The following RBFOX1 variants were observed in gnomAD, a reference collection of about 807,000 sequenced individuals.
The protein encoded by RBFOX1 is RNA binding protein fox-1 homolog 1.
Under a neutral mutation model 57.7 loss-of-function variants are expected in RBFOX1, and 8 were observed. That is an observed-to-expected ratio of 0.14 (90% CI 0.08 to 0.25). The LOEUF (loss-of-function observed/expected upper bound fraction) is 0.25, where lower values mean the gene tolerates loss of function less well. RBFOX1 is among the 10% of genes least tolerant of loss of function. The pLI, the probability that RBFOX1 is intolerant of heterozygous loss-of-function variation, is 1.00. For missense variants in RBFOX1, 611 were observed against 548.5 expected (o/e 1.11, Z -1.14); for synonymous variants, 326 against 222.4 (o/e 1.47, Z -4.15).
rs767030683 is a variant in RBFOX1 at position 6,032,566 on chromosome 16, T to C, written c.-127+12574T>C. Among the ~76,000 whole-genome samples the C allele has an allele frequency of 2.6e-5, 4 of 152,174 alleles. No individual in the cohort carries two copies. In the South Asian group the frequency reaches 6.2e-4, roughly 24 times the overall value. On this transcript the variant is annotated intron_variant, in intron 1 of 15. Transcript: ENST00000550418. ...TTTGGGAGACTATGGATGTGCCTCA[T>C]TGCAGAAGAATAAGTAGAGAGCAGT...
intron 4 of RBFOX1, among the ~76,000 whole-genome samples, chr16:7,427,418 G>C (rs2098631526): frequency 6.6e-6 from 1 of 152,084 alleles, no homozygotes; most frequent in African/African-American, 2.4e-5. Context: ...AAGTTGGACA[G>C]GCTTGGTTTT....
chr16:6,825,840 C>T (rs1465286786), intron 3 of RBFOX1, among the ~76,000 whole-genome samples: 1 of 152,128 alleles, frequency 6.6e-6, no homozygotes, highest in Non-Finnish European at 1.5e-5. Context: ...CATCTTCCAT[C>T]CGGAAGGAGG....
chr16:5,323,161 A>T lies in RBFOX1; in HGVS notation c.219+83056A>T, dbSNP rs949804655. 1.3e-5 allele frequency among the ~76,000 whole-genome samples: 2 copies of T among 152,246 alleles called. 1 individual carries two copies. Among genetic ancestry groups the T allele is most frequent in the South Asian group, 4.1e-4 (2 of 4,830 alleles). On this transcript the variant is annotated intron_variant, in intron 1 of 2. Transcript: ENST00000585867. ...CTTAGCACAGTCTGGACATATGACA[A>T]AGTGCTGTATGCGTACATATTAAGA...
intron 3 of RBFOX1, among the ~76,000 whole-genome samples, chr16:6,835,390 G>A (rs1182922392): frequency 6.6e-6 from 1 of 152,142 alleles, no homozygotes; most frequent in Non-Finnish European, 1.5e-5. Context: ...TATAGGACCT[G>A]TATTAAAGGG....
intron 3 of RBFOX1, among the ~76,000 whole-genome samples, chr16:7,015,584 A>G (rs1355925779): frequency 1.3e-5 from 2 of 152,114 alleles, no homozygotes; most frequent in Admixed American, 6.5e-5. Context: ...TTATTCTGAG[A>G]TTTTGGCTTA....
chr16:7,183,434 G>A (rs948488558), intron 4 of RBFOX1, among the ~76,000 whole-genome samples: 2 of 152,190 alleles, frequency 1.3e-5, no homozygotes, highest in Admixed American at 6.5e-5. Flanking sequence ...CTGAACGAAA[G>A]TGTTTTATTT....
At chr16:6,690,778 T>G (rs1344982266) in intron 3 of RBFOX1, among the ~76,000 whole-genome samples, 2 of 147,474 alleles carry the variant, frequency 1.4e-5, no homozygotes, top group Non-Finnish European at 3.0e-5. Context: ...TTTTTTAACT[T>G]TAGAAGTACC....
chr16:6,328,556 C>T (rs1185912369), intron 2 of RBFOX1, among the ~76,000 whole-genome samples: 3 of 152,142 alleles, frequency 2.0e-5, no homozygotes, highest in African/African-American at 7.2e-5. Context: ...AACAAAGCAG[C>T]AGTCCCAGTA....
chr16:6,548,487 GATTTCTTCAGA>G (rs1409014868), intron 2 of RBFOX1, among the ~76,000 whole-genome samples: 2 of 152,140 alleles, frequency 1.3e-5, no homozygotes, highest in East Asian at 1.9e-4. Flanking sequence ...TTTACACACT[GATTTCTTCAGA>G]ATTTCTTCAG....
chr16:7,029,402 T>A (rs73538944), intron 3 of RBFOX1, among the ~76,000 whole-genome samples: 9,150 of 150,684 alleles, frequency 0.061, 941 homozygotes, highest in African/African-American at 0.21. Context: ...GAAACATGAG[T>A]CTTCAGTTCT....
chr16:7,495,895 A>G (rs1209564451), intron 4 of RBFOX1, among the ~76,000 whole-genome samples: 1 of 71,328 alleles, frequency 1.4e-5, no homozygotes, highest in Admixed American at 1.7e-4. Context: ...ATTCAAAGAT[A>G]CTAGACTATT....
intron 2 of RBFOX1, among the ~76,000 whole-genome samples, chr16:6,611,517 G>A (rs914066229): frequency 1.3e-5 from 2 of 152,046 alleles, no homozygotes; most frequent in Admixed American, 6.6e-5. Flanking sequence ...CTTTGCCCCC[G>A]TGTGATTCTG....
intron 2 of RBFOX1, among the ~76,000 whole-genome samples, chr16:6,364,318 G>A (rs74249641): frequency 0.068 from 10,336 of 152,210 alleles, 438 homozygotes; most frequent in Non-Finnish European, 0.087. Context: ...GTTTTATCTT[G>A]CATTTTCCCT....
intron 3 of RBFOX1, among the ~76,000 whole-genome samples, chr16:5,673,782 T>C (rs1305398147): frequency 6.6e-6 from 1 of 152,252 alleles, no homozygotes; most frequent in East Asian, 1.9e-4. Context: ...AGTGCATCAC[T>C]GTAATTCTTG....
At chr16:5,984,930 G>C (rs1368008462) in intron 4 of RBFOX1, among the ~76,000 whole-genome samples, 1 of 132,104 alleles carries the variant, frequency 7.6e-6, no homozygotes, top group Non-Finnish European at 1.6e-5. Context: ...TGGTACACCT[G>C]TATAGGGCAA....
At chr16:5,341,054 G>T (rs2065020815) in intron 1 of RBFOX1, among the ~76,000 whole-genome samples, 1 of 152,146 alleles carries the variant, frequency 6.6e-6, no homozygotes, top group African/African-American at 2.4e-5. Context: ...AGTATTCTAG[G>T]CAGAGAGACT....
chr16:5,656,559 G>T (rs2049437514), intron 3 of RBFOX1, among the ~76,000 whole-genome samples: 2 of 152,100 alleles, frequency 1.3e-5, no homozygotes, highest in African/African-American at 4.8e-5. Flanking sequence ...CCATAAACCT[G>T]TCCATCACCT....
rs560249477 is a variant in RBFOX1, at chr16:6,976,439, A to G, written c.-15-75618A>G. Among the ~76,000 whole-genome samples, 9 of 152,190 alleles carry G rather than the reference A, an allele frequency of 5.9e-5. No homozygotes were observed. The East Asian group carries it at 1.5e-3, about 26-fold the overall frequency. ...GAGCATGTTTTATACATCTGTGGCT[A>G]TTGGTTTTGTTCCAGGAAAGGGGTC... On this transcript the variant is annotated intron_variant, in intron 3 of 15. Transcript: ENST00000550418.
At chr16:6,266,636 C>T (rs1010933837) in intron 1 of RBFOX1, among the ~76,000 whole-genome samples, 4 of 151,802 alleles carry the variant, frequency 2.6e-5, no homozygotes, top group Non-Finnish European at 4.4e-5. Flanking sequence ...GTCCCTTGAA[C>T]CCAGGAGGCG....
Sources: allele counts gnomAD v4.1 joint callset (sites outside exome capture counted in the v4.1 genomes callset), GRCh38; gene constraint gnomAD v4.1.1; transcripts MANE v1.5; gene names NCBI Gene and HGNC (gene_info 2026-07-23, HGNC 2026-07-21).